The following SYNJ2 variants were observed in gnomAD, a reference collection of about 807,000 sequenced individuals.
SYNJ2 encodes the protein synaptojanin 2, also known as polyphosphatidylinositol phosphatase SYNJ2.
Under a neutral mutation model 141.3 loss-of-function variants are expected in SYNJ2, and 116 were observed. The observed-to-expected ratio is 0.82, with a 90% CI of 0.71 to 0.96. The LOEUF (loss-of-function observed/expected upper bound fraction) is 0.96. Ranked by LOEUF, SYNJ2 falls within the 40% of genes least tolerant of loss-of-function variation. The probability of loss-of-function intolerance (pLI) is 0.00; values close to 1 mark genes in which losing one functional copy is unlikely to be tolerated. For synonymous variants in SYNJ2, 745 were observed against 777.7 expected (o/e 0.96, Z 0.70); for missense variants, 1,873 against 1,934.8 (o/e 0.97, Z 0.60).
In SYNJ2 at chr6:158,093,084, A is replaced by C. The variant is rs772794278; in HGVS notation, c.3724A>C (p.Thr1242Pro). Reference protein sequence around the residue: ...PPRVPAIKKPTLRRTGKPLSP... With the variant: ...PPRVPAIKKPPLRRTGKPLSP... Reference sequence around the variant, plus strand: ...CAGAGTTCCTGCCATCAAGAAGCCAACCTTGAGAAGGACAGGAAAGGTAAA... The same window carrying C: ...CAGAGTTCCTGCCATCAAGAAGCCACCCTTGAGAAGGACAGGAAAGGTAAA... The change falls in exon 26 of 27, where the codon ACC (threonine) becomes CCC (proline). Residue 1242 changes from threonine to proline, a missense_variant. Thr to Pro is a conservative substitution (Grantham distance 38, BLOSUM62 -1). Coordinates refer to ENST00000355585, the MANE Select transcript of SYNJ2 (RefSeq NM_003898.4). The C allele has an allele frequency of 6.2e-7, 1 of 1,610,406 alleles. No individual in the cohort carries two copies. The highest frequency in any genetic ancestry group is 8.5e-7 in the Non-Finnish European group (1 of 1,179,060).
At chr6:158,088,033 AATTTTTT>A (rs1783183082) in intron 23 of SYNJ2, among the ~76,000 whole-genome samples, 10 of 36,814 alleles carry the variant, frequency 2.7e-4, no homozygotes, top group African/African-American at 8.2e-4. Flanking sequence ...CCTGCTTTGG[AATTTTTT>A]TTTTTTTTTT....
intron 18 of SYNJ2, among the ~76,000 whole-genome samples, chr6:158,080,502 A>G (rs1368762563): frequency 6.8e-6 from 1 of 147,484 alleles, no homozygotes; most frequent in African/African-American, 2.5e-5. Context: ...AAAAACGAGC[A>G]TTTCCCTTTT....
At chr6:158,055,115 G>A in intron 6 of SYNJ2, 87 bp downstream of exon 6, 1 of 1,397,064 alleles carries the variant, frequency 7.2e-7, no homozygotes, top group African/African-American at 1.4e-5. Context: ...GGGTGCGACG[G>A]GAAAGGGAGG....
intron 18 of SYNJ2, chr6:158,079,393 T>A (rs1236974825): frequency 4.0e-5 from 6 of 151,768 alleles, no homozygotes; most frequent in Non-Finnish European, 7.4e-5. Flanking sequence ...CCTTTTTTTT[T>A]TTTTTTTGAG....
chr6:158,081,379 G>A lies in SYNJ2; in HGVS notation c.2786+52G>A, dbSNP rs186991955. On this transcript the variant is annotated intron_variant, in intron 19 of 26. Coordinates refer to ENST00000355585, the MANE Select transcript of SYNJ2 (RefSeq NM_003898.4). Reference sequence around the variant, plus strand: ...TTCCAGGGGATGTCGATGAGGATCCGTGAGAGCTGCCAGGTCGTTCTTGGC... The same window carrying A: ...TTCCAGGGGATGTCGATGAGGATCCATGAGAGCTGCCAGGTCGTTCTTGGC... 502 of 1,613,000 alleles carry A rather than the reference G, an allele frequency of 3.1e-4. 2 individuals carry two copies. The highest frequency in any genetic ancestry group is 2.2e-3 in the Admixed American group (131 of 60,018).
intron 1 of SYNJ2, among the ~76,000 whole-genome samples, chr6:157,992,620 A>T: frequency 6.6e-6 from 1 of 151,124 alleles, no homozygotes. Flanking sequence ...CTGGTCTCGA[A>T]CTCCTGACCT....
intron 23 of SYNJ2, among the ~76,000 whole-genome samples, chr6:158,087,734 A>G (rs553552194): frequency 5.9e-5 from 9 of 152,358 alleles, no homozygotes; most frequent in South Asian, 2.1e-4. Context: ...AATAAAATGC[A>G]TAAGTCATGT....
In SYNJ2 at chr6:158,084,213, G is replaced by T. The variant is rs950022940; in HGVS notation, c.3208+39G>T. Reference sequence around the variant, plus strand: ...TCTTTTCTCAGGAGCCTCAGCGATGGAGTCAGCTCAGGACAGACTTTCCTT... The same window carrying T: ...TCTTTTCTCAGGAGCCTCAGCGATGTAGTCAGCTCAGGACAGACTTTCCTT... On this transcript the variant is annotated intron_variant, in intron 22 of 26. Coordinates refer to ENST00000355585, the MANE Select transcript of SYNJ2 (RefSeq NM_003898.4). The surrounding 1 kb of genome is among the most constrained non-coding windows in gnomAD (Gnocchi z 5.0). 3 of 1,598,892 alleles carry T rather than the reference G, an allele frequency of 1.9e-6. No homozygotes were observed. The highest frequency in any genetic ancestry group is 2.6e-6 in the Non-Finnish European group (3 of 1,171,888).
At position 158,066,515 on chromosome 6, in the gene SYNJ2, G is replaced by A; in HGVS notation, c.1597G>A (p.Ala533Thr). 1 of 1,614,172 alleles carries A rather than the reference G, an allele frequency of 6.2e-7. No homozygotes were observed. The highest frequency in any genetic ancestry group is 8.5e-7 in the Non-Finnish European group (1 of 1,180,046). Residue 533 changes from alanine (A) to threonine (T), a missense_variant, in exon 12 of 27, where the codon GCT (alanine) becomes ACT (threonine). Transcript: ENST00000355585. ...EFTNFKRIRI[A>T]MGTWNVNGGK... ...CACAAATTTCAAGCGGATCCGGATT[G>A]CTATGGGGACCTGGAACGTGAACGG...
At chr6:158,057,348 G>A (rs1184195752) in intron 6 of SYNJ2, among the ~76,000 whole-genome samples, 3 of 152,060 alleles carry the variant, frequency 2.0e-5, no homozygotes, top group African/African-American at 7.2e-5. Flanking sequence ...TACGCCCTGG[G>A]TGCCAGCGTC....
At chr6:158,075,019 CT>C (rs11366229) in intron 16 of SYNJ2, among the ~76,000 whole-genome samples, 107,087 of 151,162 alleles carry the variant, frequency 0.71, 38,201 homozygotes, top group East Asian at 0.88. Flanking sequence ...CAACCTCCAC[CT>C]TCCTGGGTTC....
At position 158,043,089 on chromosome 6, in the gene SYNJ2, C is replaced by T. The variant is rs1295750682; in HGVS notation, c.712-227C>T. The stretch of plus-strand genomic sequence containing the variant: ...GGAGACCCTGGGAGGCCCCAACCCC[C>T]AGCAGACCCCCTCCTCAGAGGCTGG... On this transcript the variant is annotated intron_variant, in intron 4 of 26. Coordinates refer to ENST00000355585, the MANE Select transcript of SYNJ2 (RefSeq NM_003898.4). This position sits in a 1 kb window ranked among gnomAD's most constrained non-coding sequence, Gnocchi z 4.0. 6.6e-6 allele frequency among the ~76,000 whole-genome samples: 1 copy of T among 152,144 alleles called. No individual in the cohort carries two copies. Among genetic ancestry groups the T allele is most frequent in the Non-Finnish European group, 1.5e-5 (1 of 68,018 alleles).
In SYNJ2 at chr6:158,083,746, A is replaced by G. The variant is rs1468487900; in HGVS notation, c.3034+149A>G. Reference sequence around the variant, plus strand: ...TGTCCCATGTGATGAGCATGTTTGTATGTGTGGACGATGCATGCCATGCTA... The same window carrying G: ...TGTCCCATGTGATGAGCATGTTTGTGTGTGTGGACGATGCATGCCATGCTA... On this transcript the variant is annotated intron_variant, in intron 21 of 26. Coordinates refer to ENST00000355585, the MANE Select transcript of SYNJ2 (RefSeq NM_003898.4). 3.6e-6 allele frequency: 4 copies of G among 1,120,460 alleles called. No individual in the cohort carries two copies. The South Asian group carries it at 4.3e-5, about 12-fold the overall frequency. 69.4% of individuals were successfully genotyped at this position (1,120,460 alleles called of 1,614,324 possible).
intron 4 of SYNJ2, among the ~76,000 whole-genome samples, chr6:158,041,740 A>C (rs1779958154): frequency 2.0e-5 from 3 of 151,964 alleles, no homozygotes; most frequent in Admixed American, 2.0e-4. Flanking sequence ...TTTGGATTTC[A>C]CTCTGTTGCC....
intron 13 of SYNJ2, 146 bp downstream of exon 13, chr6:158,068,874 G>C: frequency 1.3e-6 from 1 of 792,408 alleles, no homozygotes; most frequent in Non-Finnish European, 2.1e-6. Context: ...CTCTCACCTG[G>C]CTCCTTCTCT....
intron 23 of SYNJ2, among the ~76,000 whole-genome samples, chr6:158,087,932 C>T (rs1327032269): frequency 3.1e-5 from 2 of 65,572 alleles, no homozygotes; most frequent in African/African-American, 6.5e-5. Context: ...GGTCGGTTGT[C>T]TTTTATTTAA....
intron 2 of SYNJ2, 38 bp downstream of exon 2, chr6:158,017,328 C>A (rs781322666): frequency 1.3e-6 from 2 of 1,585,210 alleles, no homozygotes; most frequent in African/African-American, 2.7e-5. Context: ...GCGCCAGGCT[C>A]CCCGGTGGGC....
chr6:158,063,690 AT>A, intron 8 of SYNJ2, 100 bp from the exon 9 acceptor site: 1 of 551,422 alleles, frequency 1.8e-6, no homozygotes, highest in Non-Finnish European at 3.0e-6. Flanking sequence ...AAAAAAAACC[AT>A]GTTTCCTTGG....
intron 2 of SYNJ2, among the ~76,000 whole-genome samples, chr6:158,025,959 T>A (rs969308867): frequency 1.0e-4 from 15 of 145,896 alleles, no homozygotes; most frequent in Non-Finnish European, 1.5e-4. Context: ...TCTCAAAAAA[T>A]AAATAAATAA....
Sources: allele counts gnomAD v4.1 joint callset (sites outside exome capture counted in the v4.1 genomes callset), GRCh38; gene constraint gnomAD v4.1.1; non-coding constraint Gnocchi (gnomAD v3.1); transcripts MANE v1.5; gene names NCBI Gene and HGNC (gene_info 2026-07-23, HGNC 2026-07-21).